The following NCAM2 variants were observed in gnomAD, a reference collection of about 807,000 sequenced individuals.
The protein encoded by NCAM2 is N-CAM-2.
A neutral mutation model predicts 98.1 loss-of-function variants in NCAM2; 30 were observed. That is an observed-to-expected ratio of 0.31 (90% CI 0.23 to 0.41). The LOEUF (loss-of-function observed/expected upper bound fraction) is 0.41, where lower values mean the gene tolerates loss of function less well. NCAM2 is among the 10% of genes least tolerant of loss of function. The pLI is 1.00. For missense variants in NCAM2, 867 were observed against 1,005.8 expected, an observed-to-expected ratio of 0.86 and a Z score of 1.87; for synonymous variants, 368 against 342.4, an observed-to-expected ratio of 1.07 and a Z score of -0.83.
At chr21:21,304,284 C>T (rs932354327) in intron 5 of NCAM2, among the ~76,000 whole-genome samples, 2 of 150,652 alleles carry the variant, frequency 1.3e-5, no homozygotes, top group East Asian at 2.0e-4. Context: ...TAATTTCTTA[C>T]GATATTGTGA....
At chr21:21,431,354 T>A (rs2077340360) in intron 11 of NCAM2, among the ~76,000 whole-genome samples, 2 of 151,544 alleles carry the variant, frequency 1.3e-5, no homozygotes, top group South Asian at 4.2e-4. Context: ...TGCTCTGCCT[T>A]TGAGATAATT....
chr21:21,103,952 G>T (rs925263412), intron 1 of NCAM2, among the ~76,000 whole-genome samples: 2 of 151,994 alleles, frequency 1.3e-5, no homozygotes, highest in African/African-American at 4.8e-5. Context: ...GAAAATAATC[G>T]TGGTTGTGGA....
chr21:21,237,583 A>G (rs1301769235), intron 1 of NCAM2, among the ~76,000 whole-genome samples: 2 of 152,146 alleles, frequency 1.3e-5, no homozygotes, highest in Non-Finnish European at 2.9e-5. Flanking sequence ...TCCCAGATTA[A>G]GAATTTCTAT....
intron 1 of NCAM2, among the ~76,000 whole-genome samples, chr21:21,165,695 G>A (rs1355550011): frequency 6.6e-6 from 1 of 152,064 alleles, no homozygotes; most frequent in Admixed American, 6.6e-5. Context: ...ATATTTTCCT[G>A]AGCATTTATA....
chr21:21,330,278 G>T (rs1295596928), intron 6 of NCAM2, among the ~76,000 whole-genome samples: 1 of 151,880 alleles, frequency 6.6e-6, no homozygotes, highest in African/African-American at 2.4e-5. Context: ...ACAAGCATCT[G>T]TTTTTCCTCT....
At chr21:21,139,441 T>A (rs970996704) in intron 1 of NCAM2, among the ~76,000 whole-genome samples, 1 of 152,224 alleles carries the variant, frequency 6.6e-6, no homozygotes, top group East Asian at 1.9e-4. Context: ...CTCTAGTTCT[T>A]GGCATCTGTT....
At chr21:21,345,280 A>G (rs2075156272) in intron 8 of NCAM2, among the ~76,000 whole-genome samples, 1 of 152,106 alleles carries the variant, frequency 6.6e-6, no homozygotes, top group South Asian at 2.1e-4. Flanking sequence ...AATGAACTAA[A>G]TAAGACCCCA....
At chr21:21,500,761 G>C (rs1283867737) in intron 15 of NCAM2, among the ~76,000 whole-genome samples, 1 of 152,064 alleles carries the variant, frequency 6.6e-6, no homozygotes, top group Non-Finnish European at 1.5e-5. Context: ...TATTTGGTAA[G>C]TAAGTTTGTG....
chr21:21,375,459 A>G (rs573000012), intron 9 of NCAM2, among the ~76,000 whole-genome samples: 12 of 151,868 alleles, frequency 7.9e-5, no homozygotes, highest in African/African-American at 2.9e-4. Flanking sequence ...CTTTATTTCC[A>G]TCACACTTTC....
intron 1 of NCAM2, among the ~76,000 whole-genome samples, chr21:21,245,948 A>G (rs1568826837): frequency 6.6e-6 from 1 of 152,218 alleles, no homozygotes; most frequent in Non-Finnish European, 1.5e-5. Flanking sequence ...AAATATGTCC[A>G]TAAATTTTGG....
rs3071998 is a variant in NCAM2 at position 21,135,245 on chromosome 21, C to CA, written c.55+136646dup. Among the ~76,000 whole-genome samples the CA allele has an allele frequency of 8.6e-3, 760 of 88,498 alleles. 27 individuals are homozygous for CA. Among genetic ancestry groups the CA allele is most frequent in the South Asian group, 0.042 (96 of 2,308 alleles). The allele number at this position is 88,498 out of a possible 152,430, so 58.1% of individuals were successfully genotyped here. ...TGGGCTACAGAGTGAGACTCCATCT[C>CA]AAAAAAAAAAAAAAAAAAACTTCTG... On this transcript the variant is annotated intron_variant, in intron 1 of 17. Coordinates refer to ENST00000400546, the MANE Select transcript of NCAM2 (RefSeq NM_004540.5).
chr21:21,276,251 A>G (rs1243147430), intron 1 of NCAM2, among the ~76,000 whole-genome samples: 1 of 152,084 alleles, frequency 6.6e-6, no homozygotes, highest in East Asian at 1.9e-4. Flanking sequence ...TTGATATTAG[A>G]AAGTATTTCT....
chr21:21,173,567 T>A (rs1403755555), intron 1 of NCAM2, among the ~76,000 whole-genome samples: 1 of 152,116 alleles, frequency 6.6e-6, no homozygotes, highest in Non-Finnish European at 1.5e-5. Flanking sequence ...TAAACTGAGT[T>A]TATTTAGTTG....
intron 1 of NCAM2, among the ~76,000 whole-genome samples, chr21:21,117,530 T>C (rs1490752527): frequency 6.6e-6 from 1 of 152,182 alleles, no homozygotes; most frequent in Non-Finnish European, 1.5e-5. Context: ...TTATGTTTCA[T>C]ATATATGATA....
intron 1 of NCAM2, among the ~76,000 whole-genome samples, chr21:21,178,032 G>A (rs556145422): frequency 6.6e-6 from 1 of 152,044 alleles, no homozygotes; most frequent in South Asian, 2.1e-4. Flanking sequence ...TAGGAATTAA[G>A]GTCTGTTTTA....
chr21:21,188,406 G>T (rs2146951071), intron 1 of NCAM2, among the ~76,000 whole-genome samples: 1 of 152,150 alleles, frequency 6.6e-6, no homozygotes, highest in South Asian at 2.1e-4. Context: ...ATCCGTGAAA[G>T]TTATTTAATA....
chr21:21,101,127 C>T (rs2066232258), intron 1 of NCAM2, among the ~76,000 whole-genome samples: 1 of 151,902 alleles, frequency 6.6e-6, no homozygotes, highest in Non-Finnish European at 1.5e-5. Context: ...ATATTTACTC[C>T]TTATGCAGTG....
At chr21:21,535,170 G>A (rs546452044) in intron 17 of NCAM2, among the ~76,000 whole-genome samples, 4 of 151,948 alleles carry the variant, frequency 2.6e-5, no homozygotes, top group African/African-American at 7.2e-5. Context: ...CATTCTTGAT[G>A]TTATTTATTT....
intron 9 of NCAM2, among the ~76,000 whole-genome samples, chr21:21,375,086 C>G (rs2076002163): frequency 6.6e-6 from 1 of 151,256 alleles, no homozygotes; most frequent in African/African-American, 2.4e-5. Context: ...CTGGGTGCAG[C>G]ACACCAGCAT....
Sources: gnomAD v4.1 joint callset for allele counts (sites outside exome capture counted in the v4.1 genomes callset) on GRCh38, gnomAD v4.1.1 for gene constraint, MANE v1.5 for transcripts, NCBI Gene and HGNC (gene_info 2026-07-23, HGNC 2026-07-21) for gene names.